Variants in ULK4 observed in about 807,000 individuals in gnomAD.
ULK4 encodes inactive serine/threonine-protein kinase ULK4.
ULK4 carries 133 observed loss-of-function variants against 160.6 expected under a neutral mutation model. The ratio of observed to expected loss-of-function variants is 0.83; its 90% CI spans 0.72 to 0.96. The LOEUF (loss-of-function observed/expected upper bound fraction) is 0.96, where lower values mean the gene tolerates loss of function less well. ULK4 is among the 40% of genes least tolerant of loss of function. The pLI is 0.00. For synonymous variants in ULK4, 534 were observed against 539.8 expected, an observed-to-expected ratio of 0.99 and a Z score of 0.15; for missense variants, 1,580 against 1,499.5, an observed-to-expected ratio of 1.05 and a Z score of -0.89.
chr3:41,517,053 C>T (rs1008226007), intron 32 of ULK4, among the ~76,000 whole-genome samples: 9 of 152,146 alleles, frequency 5.9e-5, no homozygotes, highest in South Asian at 4.2e-4. Flanking sequence ...CAATTAAAAA[C>T]GGGCAAAAGA....
At chr3:41,873,406 T>C (rs2683696) in intron 17 of ULK4, among the ~76,000 whole-genome samples, 50,547 of 151,968 alleles carry the variant, frequency 0.33, 12,911 homozygotes, top group African/African-American at 0.72. Context: ...TCCCAGACAG[T>C]CTTAAAGTAT....
At chr3:41,914,084 G>A (rs892714567) in intron 8 of ULK4, among the ~76,000 whole-genome samples, 1 of 152,030 alleles carries the variant, frequency 6.6e-6, no homozygotes, top group Non-Finnish European at 1.5e-5. Context: ...ATGACTTTAG[G>A]TTGTATTTAA....
chr3:41,828,436 G>A (rs955500091), intron 18 of ULK4, among the ~76,000 whole-genome samples: 5 of 145,714 alleles, frequency 3.4e-5, no homozygotes, highest in African/African-American at 1.3e-4. Flanking sequence ...AAGCTGATAA[G>A]CAACTTCAGC....
intron 22 of ULK4, among the ~76,000 whole-genome samples, chr3:41,723,996 G>A (rs573646537): frequency 2.0e-5 from 3 of 152,306 alleles, no homozygotes; most frequent in South Asian, 2.1e-4. Context: ...TGATCTTAAT[G>A]TAAAGCTCAA....
intron 32 of ULK4, among the ~76,000 whole-genome samples, chr3:41,548,934 T>C (rs922384201): frequency 6.6e-6 from 1 of 152,158 alleles, no homozygotes; most frequent in African/African-American, 2.4e-5. Flanking sequence ...ATACCACTGA[T>C]GCTGACTGCA....
intron 34 of ULK4, among the ~76,000 whole-genome samples, chr3:41,429,143 G>GA (rs1385813064): frequency 4.0e-5 from 6 of 151,698 alleles, no homozygotes; most frequent in African/African-American, 1.5e-4. Flanking sequence ...ACAAAAATAT[G>GA]AAAAAAAGGT....
chr3:41,621,054 C>A (rs2033220486), intron 30 of ULK4, among the ~76,000 whole-genome samples: 1 of 152,132 alleles, frequency 6.6e-6, no homozygotes, highest in South Asian at 2.1e-4. Context: ...ATACAACTTA[C>A]AAGGGATGTG....
intron 35 of ULK4, among the ~76,000 whole-genome samples, chr3:41,272,583 AT>A (rs200983925): frequency 1.8e-3 from 265 of 143,852 alleles, no homozygotes; most frequent in Admixed American, 3.2e-3. Context: ...ACCTTGGTGT[AT>A]TTTTTTTTTT....
intron 17 of ULK4, among the ~76,000 whole-genome samples, chr3:41,880,297 G>C (rs145304792): frequency 4.0e-5 from 6 of 151,758 alleles, no homozygotes; most frequent in Non-Finnish European, 7.4e-5. Flanking sequence ...AGGAATATAA[G>C]CTTCAGATGG....
intron 12 of ULK4, among the ~76,000 whole-genome samples, chr3:41,902,661 A>G (rs1455080914): frequency 6.6e-6 from 1 of 150,492 alleles, no homozygotes; most frequent in African/African-American, 2.4e-5. Context: ...GTTTAAGAAC[A>G]TGGACTTTCA....
At chr3:41,369,539 T>C (rs1312080175) in intron 35 of ULK4, among the ~76,000 whole-genome samples, 1 of 151,162 alleles carries the variant, frequency 6.6e-6, no homozygotes, top group African/African-American at 2.4e-5. Context: ...ACGCCTGTCA[T>C]CCCAGCACTT....
intron 35 of ULK4, among the ~76,000 whole-genome samples, chr3:41,345,728 C>T (rs981480852): frequency 6.6e-6 from 1 of 152,102 alleles, no homozygotes; most frequent in African/African-American, 2.4e-5. Flanking sequence ...CACTATGGCA[C>T]ACATTTACCT....
chr3:41,469,556 C>T (rs570542369), intron 32 of ULK4, among the ~76,000 whole-genome samples: 1 of 120,434 alleles, frequency 8.3e-6, no homozygotes, highest in African/African-American at 3.3e-5. Flanking sequence ...CAAAGCCGGC[C>T]CATCTACAAT....
At position 41,344,752 on chromosome 3, in the gene ULK4, C is replaced by CAAA. The variant is rs59466358; in HGVS notation, c.3678+53324_3678+53326dup. Among the ~76,000 whole-genome samples, 595 of 62,738 alleles carry CAAA rather than the reference C, an allele frequency of 9.5e-3. 12 individuals are homozygous for CAAA. Among genetic ancestry groups the CAAA allele is most frequent in the African/African-American group, 0.031 (509 of 16,668 alleles). The allele number at this position is 62,738 out of a possible 152,430, so 41.2% of individuals were successfully genotyped here. A position where few individuals can be genotyped will look rare whatever the true frequency, so the allele number is the denominator to read the frequency against. On this transcript the variant is annotated intron_variant, in intron 35 of 36. Transcript: ENST00000301831. ...TGGGTAACAGAGCAAGACTCTGTCT[C>CAAA]AAAAAAAAAAAAAAAAAAAAAGGCA...
At chr3:41,306,420 C>T (rs1489273163) in intron 35 of ULK4, among the ~76,000 whole-genome samples, 2 of 144,762 alleles carry the variant, frequency 1.4e-5, no homozygotes, top group Non-Finnish European at 3.0e-5. Flanking sequence ...GCCGCCCCTA[C>T]TGGGAAGTGA....
intron 32 of ULK4, among the ~76,000 whole-genome samples, chr3:41,466,165 T>C (rs1237138628): frequency 6.6e-6 from 1 of 152,190 alleles, no homozygotes; most frequent in Non-Finnish European, 1.5e-5. Flanking sequence ...ACTGAGTTCA[T>C]ATTATAGAAT....
chr3:41,911,918 C>G (rs1226846865), intron 9 of ULK4, among the ~76,000 whole-genome samples: 1 of 151,922 alleles, frequency 6.6e-6, no homozygotes, highest in East Asian at 1.9e-4. Flanking sequence ...TTTGGGAGGC[C>G]GAGGCAGACG....
At chr3:41,709,276 A>C (rs1276719448) in intron 25 of ULK4, among the ~76,000 whole-genome samples, 1 of 152,260 alleles carries the variant, frequency 6.6e-6, no homozygotes, top group Non-Finnish European at 1.5e-5. Flanking sequence ...GTTATAAAGA[A>C]AATCAGAAAG....
chr3:41,570,209 T>A (rs576883735), intron 31 of ULK4, among the ~76,000 whole-genome samples: 6 of 152,376 alleles, frequency 3.9e-5, no homozygotes, highest in African/African-American at 1.2e-4. Context: ...TATGCCGTTG[T>A]TTAACACAAG....
Sources: gnomAD v4.1 joint callset for allele counts (sites outside exome capture counted in the v4.1 genomes callset) on GRCh38, gnomAD v4.1.1 for gene constraint, MANE v1.5 for transcripts, NCBI Gene and HGNC (gene_info 2026-07-23, HGNC 2026-07-21) for gene names.